TBX5: variants seen among roughly 807,000 people sequenced by gnomAD.
TBX5 encodes T-box transcription factor 5.
TBX5 carries 8 observed loss-of-function variants against 51.1 expected under a neutral mutation model. The ratio of observed to expected loss-of-function variants is 0.16; its 90% CI spans 0.09 to 0.28. The LOEUF is 0.28. TBX5 is among the 10% of genes least tolerant of loss of function. TBX5 has a pLI of 1.00. For synonymous variants in TBX5, 302 were observed against 266.4 expected, an observed-to-expected ratio of 1.13 and a Z score of -1.30; for missense variants, 589 against 671.7, an observed-to-expected ratio of 0.88 and a Z score of 1.36.
rs188178090 is a variant in TBX5 at position 114,389,482 on chromosome 12, C to T, written c.664-3915G>A. On this transcript the variant is annotated intron_variant, in intron 6 of 8. Transcript: ENST00000405440. ...TTTAAAAGTGGATGAAGGCCGGGCG[C>T]GGTGGCTCACGCCTGTAATCCCAGC... Among the ~76,000 whole-genome samples the T allele has an allele frequency of 1.5e-4, 23 of 151,576 alleles. 1 individual carries two copies. Among genetic ancestry groups the T allele is most frequent in the Middle Eastern group, 3.4e-3 (1 of 294 alleles).
intron 7 of TBX5, among the ~76,000 whole-genome samples, chr12:114,371,117 G>T (rs1464570587): frequency 6.6e-6 from 1 of 152,134 alleles, no homozygotes; most frequent in Non-Finnish European, 1.5e-5. Flanking sequence ...GAGAGAATTG[G>T]ATATTGGCTC....
chr12:114,399,436 T>G, intron 4 of TBX5, 77 bp downstream of exon 4: 1 of 1,597,014 alleles, frequency 6.3e-7, no homozygotes. Flanking sequence ...AAAAGTTCAC[T>G]GATACAACTT....
chr12:114,401,782 A>G lies in TBX5; in HGVS notation c.242+44T>C, dbSNP rs1403958739. 3.1e-6 allele frequency: 5 copies of G among 1,594,272 alleles called. No individual in the cohort carries two copies. In the South Asian group the frequency reaches 3.3e-5, roughly 11 times the overall value. On this transcript the variant is annotated intron_variant, in intron 3 of 8. Coordinates refer to ENST00000405440, the MANE Select transcript of TBX5 (RefSeq NM_181486.4). Reference sequence around the variant, plus strand: ...CCACCTTTTCTTCTTCACCTCTCCCACAATTTCTCCTCGTCCCTCTCTCTA... The same window carrying G: ...CCACCTTTTCTTCTTCACCTCTCCCGCAATTTCTCCTCGTCCCTCTCTCTA...
intron 2 of TBX5, among the ~76,000 whole-genome samples, chr12:114,402,402 A>C (rs1368147963): frequency 6.6e-6 from 1 of 152,234 alleles, no homozygotes; most frequent in African/African-American, 2.4e-5. Context: ...GAATATTCTC[A>C]TGTAGACACT....
At chr12:114,392,727 T>A (rs1248469990) in intron 6 of TBX5, among the ~76,000 whole-genome samples, 1 of 152,152 alleles carries the variant, frequency 6.6e-6, no homozygotes, top group Non-Finnish European at 1.5e-5. Flanking sequence ...TTGCTATTTT[T>A]TTTTTCCTGT....
intron 7 of TBX5, among the ~76,000 whole-genome samples, chr12:114,380,096 C>T (rs1180829848): frequency 6.6e-6 from 1 of 152,088 alleles, no homozygotes; most frequent in Non-Finnish European, 1.5e-5. Context: ...CCCAGAAAAC[C>T]CTTCTTCCCA....
At position 114,405,777 on chromosome 12, in the gene TBX5, G is replaced by A; in HGVS notation, c.-188C>T. The A allele has an allele frequency of 5.1e-6, 5 of 985,562 alleles. No individual in the cohort carries two copies. The South Asian group carries it at 2.3e-4, about 46-fold the overall frequency. 61.1% of individuals were successfully genotyped at this position (985,562 alleles called of 1,614,324 possible). On this transcript the variant is annotated 5_prime_UTR_variant, in exon 1 of 9. Transcript: ENST00000405440. ...ATAGCGGCTACTGCTGCCTACTAGG[G>A]CGCACCTACCGCTGGAGCCTCCGCG...
chr12:114,378,329 G>T (rs1266455011), intron 7 of TBX5, among the ~76,000 whole-genome samples: 3 of 152,156 alleles, frequency 2.0e-5, no homozygotes, highest in Non-Finnish European at 4.4e-5. Context: ...ATGAGCAGAA[G>T]CCCAGTTTAG....
chr12:114,370,293 AAAAG>A (rs1869810527), intron 7 of TBX5, among the ~76,000 whole-genome samples: 1 of 128,726 alleles, frequency 7.8e-6, no homozygotes, highest in Non-Finnish European at 1.7e-5. Flanking sequence ...GAAAAGAAAG[AAAAG>A]AAAAGAAAAG....
chr12:114,389,811 C>T (rs1444006328), intron 6 of TBX5, among the ~76,000 whole-genome samples: 1 of 145,366 alleles, frequency 6.9e-6, no homozygotes, highest in Non-Finnish European at 1.5e-5. Flanking sequence ...ACACCTTTTC[C>T]TCCCACCTCC....
At chr12:114,361,378 C>A (rs1236946093) in intron 8 of TBX5, among the ~76,000 whole-genome samples, 1 of 152,196 alleles carries the variant, frequency 6.6e-6, no homozygotes, top group Non-Finnish European at 1.5e-5. Flanking sequence ...TCTGATTCAG[C>A]TCATGGCTTT....
In TBX5 at chr12:114,403,909, G is replaced by T; in HGVS notation, c.-11C>A. 6.2e-7 allele frequency: 1 copy of T among 1,610,386 alleles called. No homozygotes were observed. On this transcript the variant is annotated 5_prime_UTR_variant, in exon 2 of 9. It adds an upstream start codon to the 5' untranslated region. Transcript: ENST00000405440. Reference sequence around the variant, plus strand: ...GTCTGCGTCGGCCATGGTGCGCCCAGGGCCCTGTGCCCGCGCAAGGTTCTG... The same window carrying T: ...GTCTGCGTCGGCCATGGTGCGCCCATGGCCCTGTGCCCGCGCAAGGTTCTG...
intron 7 of TBX5, among the ~76,000 whole-genome samples, chr12:114,367,526 A>AT (rs1314721309): frequency 1.3e-5 from 2 of 151,840 alleles, no homozygotes; most frequent in African/African-American, 2.4e-5. Context: ...AGGTGTTCCC[A>AT]TTTTTTTTCC....
At chr12:114,382,524 C>G (rs921920972) in intron 7 of TBX5, among the ~76,000 whole-genome samples, 1 of 151,610 alleles carries the variant, frequency 6.6e-6, no homozygotes, top group African/African-American at 2.4e-5. Context: ...TTAGGCTAGG[C>G]GTGGTGGCTC....
intron 7 of TBX5, among the ~76,000 whole-genome samples, chr12:114,380,881 G>A (rs1258756960): frequency 6.6e-6 from 1 of 151,730 alleles, no homozygotes; most frequent in African/African-American, 2.4e-5. Flanking sequence ...ACCAATCTAA[G>A]GGTTCTTCAA....
intron 6 of TBX5, among the ~76,000 whole-genome samples, chr12:114,394,505 T>C (rs561345459): frequency 2.6e-5 from 4 of 152,166 alleles, no homozygotes; most frequent in Non-Finnish European, 5.9e-5. Context: ...GACAAGTTTG[T>C]TTCTAACTGG....
At chr12:114,377,161 A>C (rs1406881734) in intron 7 of TBX5, among the ~76,000 whole-genome samples, 1 of 152,194 alleles carries the variant, frequency 6.6e-6, no homozygotes, top group Non-Finnish European at 1.5e-5. Context: ...CATCTCCAGA[A>C]GGTTGTCTAA....
At chr12:114,407,479 C>A (rs901571384), upstream of TBX5, among the ~76,000 whole-genome samples, 1 of 152,150 alleles carries the variant, frequency 6.6e-6, no homozygotes, top group Non-Finnish European at 1.5e-5. Context: ...CCTTTAAGTT[C>A]TCAGAGATTT....
In TBX5 at chr12:114,378,297, T is replaced by C. The variant is rs1358025562; in HGVS notation, c.755+7179A>G. ...ACTTTGCTATTGCTTGTTCATATTC[T>C]GGGGTTTATGGTTACAAGAAGATGA... On this transcript the variant is annotated intron_variant, in intron 7 of 8. Coordinates refer to ENST00000405440, the MANE Select transcript of TBX5 (RefSeq NM_181486.4). Among the ~76,000 whole-genome samples the C allele has an allele frequency of 3.9e-5, 6 of 152,246 alleles. No individual in the cohort carries two copies. In the East Asian group the frequency reaches 1.2e-3, roughly 29 times the overall value.
Sources: gnomAD v4.1 joint callset for allele counts (sites outside exome capture counted in the v4.1 genomes callset) on GRCh38, gnomAD v4.1.1 for gene constraint, MANE v1.5 for transcripts, NCBI Gene and HGNC (gene_info 2026-07-23, HGNC 2026-07-21) for gene names.